Variants in CGNL1 observed in about 807,000 individuals in gnomAD.
CGNL1 encodes cingulin like 1.
In CGNL1, 132 loss-of-function variants were observed where a neutral mutation model predicts 141.2. The observed-to-expected ratio is 0.93, with a 90% confidence interval of 0.81 to 1.08. The LOEUF is 1.08. Among genes scored for constraint, CGNL1 ranks in the 50% least tolerant of loss-of-function variants. The probability of loss-of-function intolerance (pLI) is 0.00; values close to 1 mark genes in which losing one functional copy is unlikely to be tolerated. For synonymous variants in CGNL1, 690 were observed against 622.1 expected, an observed-to-expected ratio of 1.11 and a Z score of -1.63; for missense variants, 1,870 against 1,588.6, an observed-to-expected ratio of 1.18 and a Z score of -3.01.
At position 57,461,579 on chromosome 15, in the gene CGNL1, G is replaced by A. The variant is rs1421984577; in HGVS notation, c.2191-101G>A. ...GAAGGAGAGAGTGGCAAGGCCAGGT[G>A]AGATGGCTGTGCACATGGGGACTGA... On this transcript the variant is annotated intron_variant, in intron 7 of 18. Coordinates refer to ENST00000281282, the MANE Select transcript of CGNL1 (RefSeq NM_032866.5). 7 of 935,954 alleles carry A rather than the reference G, an allele frequency of 7.5e-6. No individual in the cohort carries two copies. In the East Asian group the frequency reaches 1.4e-4, roughly 19 times the overall value. The allele number at this position is 935,954 out of a possible 1,614,324, so 58.0% of individuals were successfully genotyped here. A position where few individuals can be genotyped will look rare whatever the true frequency, so the allele number is the denominator to read the frequency against.
At chr15:57,484,147 T>C (rs1595752742) in intron 8 of CGNL1, among the ~76,000 whole-genome samples, 1 of 152,216 alleles carries the variant, frequency 6.6e-6, no homozygotes, top group Non-Finnish European at 1.5e-5. Flanking sequence ...TTTCTTCCTC[T>C]TCTATTTTCT....
intron 8 of CGNL1, among the ~76,000 whole-genome samples, chr15:57,485,794 A>T (rs904870497): frequency 1.1e-4 from 17 of 152,198 alleles, no homozygotes; most frequent in African/African-American, 4.1e-4. Flanking sequence ...CATTTGGAGG[A>T]TCTTTTCAGA....
At chr15:57,459,607 C>T (rs1647079859) in intron 7 of CGNL1, among the ~76,000 whole-genome samples, 1 of 152,098 alleles carries the variant, frequency 6.6e-6, no homozygotes, top group African/African-American at 2.4e-5. Flanking sequence ...TAGGTGAGAG[C>T]CTGGATGCGG....
intron 10 of CGNL1, among the ~76,000 whole-genome samples, chr15:57,518,776 T>C (rs555017859): frequency 6.6e-6 from 1 of 152,342 alleles, no homozygotes; most frequent in East Asian, 1.9e-4. Context: ...TTAAACATCC[T>C]ATGAAGCACA....
chr15:57,489,240 A>C (rs113196348), intron 8 of CGNL1, among the ~76,000 whole-genome samples: 1,667 of 152,332 alleles, frequency 0.011, 33 homozygotes, highest in African/African-American at 0.037. Flanking sequence ...TACTCATTAC[A>C]TAGTTACTCA....
intron 8 of CGNL1, among the ~76,000 whole-genome samples, chr15:57,489,652 T>G (rs1044306754): frequency 2.0e-5 from 3 of 152,204 alleles, no homozygotes; most frequent in Non-Finnish European, 4.4e-5. Context: ...CCCATCACTG[T>G]TGGTTGAAGA....
chr15:57,418,726 A>C (rs552050471), intron 1 of CGNL1, among the ~76,000 whole-genome samples: 1 of 152,126 alleles, frequency 6.6e-6, no homozygotes, highest in Non-Finnish European at 1.5e-5. Flanking sequence ...TCACGGGCCC[A>C]GGGAGATGTT....
Position 57,439,200 on chromosome 15 carries a change from T to G in CGNL1, c.1201T>G (p.Ser401Ala), listed in dbSNP as rs1285170536. The G allele has an allele frequency of 6.2e-7, 1 of 1,614,144 alleles. No individual in the cohort carries two copies. ...SAFPFGLQGNSEYLIEFSRNL... is the reference protein window; with the variant it reads ...SAFPFGLQGNAEYLIEFSRNL... ...CTTTCCTTTTGGCCTCCAAGGGAAC[T>G]CGGAGTACCTGATTGAATTCAGTAG... The change falls in exon 2 of 19, where the codon TCG (serine) becomes GCG (alanine). Residue 401 changes from serine (S) to alanine (A), a missense_variant. Physicochemically the swap from Ser to Ala is moderately conservative, Grantham distance 99 (BLOSUM62 1). Transcript: ENST00000281282.
chr15:57,389,024 G>T (rs2062514079), intron 1 of CGNL1, among the ~76,000 whole-genome samples: 1 of 151,652 alleles, frequency 6.6e-6, no homozygotes, highest in Non-Finnish European at 1.5e-5. Context: ...CTATAGAGAG[G>T]TGTTTTTTTT....
chr15:57,392,455 A>C (rs1400740184), intron 1 of CGNL1, among the ~76,000 whole-genome samples: 1 of 152,190 alleles, frequency 6.6e-6, no homozygotes, highest in East Asian at 1.9e-4. Context: ...GTATGAATGA[A>C]TGTTTAGGTC....
chr15:57,445,505 C>G (rs1329262316), intron 4 of CGNL1, among the ~76,000 whole-genome samples: 19 of 152,142 alleles, frequency 1.2e-4, no homozygotes, highest in Non-Finnish European at 1.2e-4. Flanking sequence ...GGGACGGAGA[C>G]CATACTGGAA....
intron 1 of CGNL1, among the ~76,000 whole-genome samples, chr15:57,391,457 C>G (rs966601680): frequency 6.6e-6 from 1 of 152,144 alleles, no homozygotes; most frequent in African/African-American, 2.4e-5. Context: ...AGATGGGGAC[C>G]AAAACCTTGT....
chr15:57,389,198 T>C (rs760252264), intron 1 of CGNL1, among the ~76,000 whole-genome samples: 3 of 151,984 alleles, frequency 2.0e-5, no homozygotes, highest in Non-Finnish European at 4.4e-5. Context: ...ATCAGAGTGC[T>C]CAGGAAATAA....
At chr15:57,509,739 A>G (rs2030069935) in intron 8 of CGNL1, among the ~76,000 whole-genome samples, 2 of 152,236 alleles carry the variant, frequency 1.3e-5, no homozygotes, top group African/African-American at 4.8e-5. Flanking sequence ...ACTTTCTTGC[A>G]TATGTGTGAT....
chr15:57,461,792 A>C lies in CGNL1; in HGVS notation c.2303A>C (p.Lys768Thr). Residue 768 changes from lysine to threonine, a missense_variant, in exon 8 of 19, where the codon AAA becomes ACA. Coordinates refer to ENST00000281282, the MANE Select transcript of CGNL1 (RefSeq NM_032866.5). The part of the protein sequence containing the change: ...RELTALKGAL[K>T]EEVSSHDQEM... ...CTCACCGCCCTGAAGGGAGCCCTGAAAGAAGAGGTTTCCAGCCATGATCAG... is the reference window on the plus strand; with the variant it reads ...CTCACCGCCCTGAAGGGAGCCCTGACAGAAGAGGTTTCCAGCCATGATCAG... 1 of 1,614,144 alleles carries C rather than the reference A, an allele frequency of 6.2e-7. No individual in the cohort carries two copies. Among genetic ancestry groups the C allele is most frequent in the Non-Finnish European group, 8.5e-7 (1 of 1,180,016 alleles).
chr15:57,408,688 G>A lies in CGNL1; in HGVS notation c.-15-29297G>A, dbSNP rs111279985. Reference sequence around the variant, plus strand: ...ACCCAGCTCATTAGTGTCCTTTTCTGTCAATGAGCATAGGGGTTCGTAGAC... The same window carrying A: ...ACCCAGCTCATTAGTGTCCTTTTCTATCAATGAGCATAGGGGTTCGTAGAC... On this transcript the variant is annotated intron_variant, in intron 1 of 18. Transcript: ENST00000281282. Among the ~76,000 whole-genome samples the A allele has an allele frequency of 3.9e-4, 60 of 152,118 alleles. 1 individual carries two copies. Among genetic ancestry groups the A allele is most frequent in the African/African-American group, 1.3e-3 (56 of 41,504 alleles).
Position 57,531,696 on chromosome 15 carries a change from G to T in CGNL1, c.3208G>T (p.Val1070Leu). The T allele has an allele frequency of 1.2e-6, 2 of 1,609,326 alleles. No homozygotes were observed. The highest frequency in any genetic ancestry group is 8.5e-7 in the Non-Finnish European group (1 of 1,175,636). Residue 1070 changes from valine to leucine, a missense_variant, in exon 14 of 19, where the codon GTG (valine) becomes TTG (leucine). By Grantham distance (32) the Val-to-Leu change is conservative (BLOSUM62 1). Transcript: ENST00000281282. ...TTTGTGATTTCCTTCTTAGGACAAG[G>T]TGTCTCAACTGGAGATGGAACTGGA... ...SRLVKQMEDK[V>L]SQLEMELEEE...
chr15:57,482,208 C>T (rs1216949385), intron 8 of CGNL1, among the ~76,000 whole-genome samples: 1 of 151,956 alleles, frequency 6.6e-6, no homozygotes, highest in Non-Finnish European at 1.5e-5. Context: ...GACATTCTTC[C>T]AATCTCTAGT....
intron 10 of CGNL1, among the ~76,000 whole-genome samples, chr15:57,521,263 C>G (rs1386738344): frequency 6.6e-6 from 1 of 152,086 alleles, no homozygotes; most frequent in East Asian, 1.9e-4. Flanking sequence ...GACCGTTGTT[C>G]TAAACAGTGT....
Sources: allele counts gnomAD v4.1 joint callset (sites outside exome capture counted in the v4.1 genomes callset), GRCh38; gene constraint gnomAD v4.1.1; transcripts MANE v1.5; gene names NCBI Gene and HGNC (gene_info 2026-07-23, HGNC 2026-07-21).